The following CDIN1 variants were observed in gnomAD, a reference collection of about 807,000 sequenced individuals.
CDIN1 encodes CDAN1 interacting nuclease 1.
In CDIN1, 33 loss-of-function variants were observed where a neutral mutation model predicts 45.3. The ratio of observed to expected loss-of-function variants is 0.73; its 90% CI spans 0.55 to 0.97. The LOEUF is 0.97. Ranked by LOEUF, CDIN1 falls within the 50% of genes least tolerant of loss-of-function variation. The pLI is 0.00. For synonymous variants in CDIN1, 118 were observed against 124.4 expected (o/e 0.95, Z 0.34); for missense variants, 303 against 339.4 (o/e 0.89, Z 0.84).
intron 1 of CDIN1, among the ~76,000 whole-genome samples, chr15:36,607,196 G>T (rs1279259554): frequency 6.6e-6 from 1 of 152,154 alleles, no homozygotes; most frequent in Non-Finnish European, 1.5e-5. Context: ...CCTCTCCATT[G>T]TTTCCAGTCT....
chr15:36,808,425 T>C lies in CDIN1; in HGVS notation c.818T>C (p.Ile273Thr), dbSNP rs778306019. The C allele has an allele frequency of 6.4e-5, 104 of 1,613,378 alleles. No individual in the cohort carries two copies. The highest frequency in any genetic ancestry group is 1.2e-4 in the Admixed American group (7 of 59,920). The stretch of plus-strand genomic sequence containing the variant: ...CTCAAAGCCTGTTTCCCCACGAACA[T>C]TGTCACCTTATGCCACAGCATAGCT... ...ILLKACFPTN[I>T]VTLCHSIA The change falls in exon 11 of 11, where the codon ATT (isoleucine) becomes ACT (threonine). Residue 273 changes from isoleucine to threonine, a missense_variant. By Grantham distance (89) the Ile-to-Thr change is moderately conservative (BLOSUM62 -1). Coordinates refer to ENST00000566621, the MANE Select transcript of CDIN1 (RefSeq NM_001321759.2).
At chr15:36,779,915 G>A (rs1458919928) in intron 10 of CDIN1, among the ~76,000 whole-genome samples, 1 of 152,172 alleles carries the variant, frequency 6.6e-6, no homozygotes, top group Admixed American at 6.5e-5. Context: ...TCTGAGTGGG[G>A]TGTGGTAGCC....
chr15:36,785,199 T>C (rs549626666), intron 10 of CDIN1, among the ~76,000 whole-genome samples: 1 of 152,308 alleles, frequency 6.6e-6, no homozygotes, highest in East Asian at 1.9e-4. Context: ...GAAATATCTA[T>C]AAGTCAATCA....
chr15:36,686,412 G>T (rs2042047556), intron 5 of CDIN1, among the ~76,000 whole-genome samples: 1 of 122,408 alleles, frequency 8.2e-6, no homozygotes, highest in Admixed American at 9.4e-5. Context: ...GACTGTTGTG[G>T]GGTGGGGGGC....
At chr15:36,707,764 G>T (rs1420775233) in intron 8 of CDIN1, 1 of 152,166 alleles carries the variant, frequency 6.6e-6, no homozygotes, top group Non-Finnish European at 1.5e-5. Context: ...TAAGGCACTG[G>T]AGTTGATTTT....
chr15:36,635,915 A>G (rs559043432), intron 1 of CDIN1, among the ~76,000 whole-genome samples: 2 of 152,300 alleles, frequency 1.3e-5, no homozygotes, highest in East Asian at 1.9e-4. Flanking sequence ...GGAATGTAAC[A>G]TACAATAACA....
At chr15:36,646,103 CTG>C (rs2040316894) in intron 3 of CDIN1, among the ~76,000 whole-genome samples, 1 of 152,102 alleles carries the variant, frequency 6.6e-6, no homozygotes. Context: ...GCAATGAAAA[CTG>C]TTTGAAATCT....
chr15:36,735,230 T>C (rs560694600), intron 10 of CDIN1, among the ~76,000 whole-genome samples: 2 of 152,330 alleles, frequency 1.3e-5, no homozygotes, highest in East Asian at 1.9e-4. Flanking sequence ...TGTTATTCTT[T>C]CAATATGATG....
At chr15:36,691,592 A>C (rs758277099) in intron 5 of CDIN1, 93 bp from the exon 6 acceptor site, 16 of 721,280 alleles carry the variant, frequency 2.2e-5, no homozygotes, top group Non-Finnish European at 3.3e-5. Flanking sequence ...TTTTGTTTTC[A>C]TGGTTTGTGT....
At chr15:36,610,078 C>T (rs908758198) in intron 1 of CDIN1, among the ~76,000 whole-genome samples, 2 of 152,172 alleles carry the variant, frequency 1.3e-5, no homozygotes, top group African/African-American at 4.8e-5. Flanking sequence ...CAAAGACTGG[C>T]TATCTTGCTA....
intron 1 of CDIN1, among the ~76,000 whole-genome samples, chr15:36,633,503 C>CT (rs556510324): frequency 1.8e-3 from 276 of 151,992 alleles, no homozygotes; most frequent in African/African-American, 5.9e-3. Context: ...CTATAATGTG[C>CT]TTTTTTTGGG....
chr15:36,696,953 A>AT (rs2042450682), intron 7 of CDIN1, among the ~76,000 whole-genome samples: 1 of 149,872 alleles, frequency 6.7e-6, no homozygotes, highest in Non-Finnish European at 1.5e-5. Flanking sequence ...TTCTAAAAAA[A>AT]AAAAAAAAAA....
intron 8 of CDIN1, 162 bp from the exon 9 acceptor site, chr15:36,709,061 G>A (rs895993349): frequency 4.2e-6 from 2 of 472,354 alleles, no homozygotes; most frequent in Non-Finnish European, 7.3e-6. Flanking sequence ...CTTCAGTGTT[G>A]TTCAGAAAGT....
At chr15:36,653,811 A>C (rs1275230383) in intron 3 of CDIN1, among the ~76,000 whole-genome samples, 1 of 152,200 alleles carries the variant, frequency 6.6e-6, no homozygotes, top group Non-Finnish European at 1.5e-5. Context: ...TGATATGGAT[A>C]GTTCCTCTTG....
intron 5 of CDIN1, among the ~76,000 whole-genome samples, chr15:36,675,259 T>C (rs1483664572): frequency 6.6e-6 from 1 of 152,154 alleles, no homozygotes; most frequent in African/African-American, 2.4e-5. Context: ...ACTTAATTGC[T>C]GCACTGTGGG....
chr15:36,604,611 ATATAGT>A (rs1261490932), intron 1 of CDIN1, among the ~76,000 whole-genome samples: 10 of 152,172 alleles, frequency 6.6e-5, no homozygotes. Flanking sequence ...GTATTTACAC[ATATAGT>A]TAGTACACTC....
intron 8 of CDIN1, chr15:36,707,118 A>G (rs770021617): frequency 2.6e-5 from 4 of 152,136 alleles, no homozygotes; most frequent in Non-Finnish European, 4.4e-5. Context: ...AGAGTTTAGT[A>G]AATAGATTAA....
At chr15:36,795,290 A>G (rs2054766021) in intron 10 of CDIN1, among the ~76,000 whole-genome samples, 1 of 152,154 alleles carries the variant, frequency 6.6e-6, no homozygotes, top group South Asian at 2.1e-4. Context: ...AGAAGAGAAA[A>G]CCTAAAGTGT....
chr15:36,714,001 T>G (rs915737546), intron 10 of CDIN1, among the ~76,000 whole-genome samples: 2 of 152,224 alleles, frequency 1.3e-5, no homozygotes, highest in Non-Finnish European at 2.9e-5. Flanking sequence ...TAGTAGATAT[T>G]TATTGATTGT....
Sources: gnomAD v4.1 joint callset for allele counts (sites outside exome capture counted in the v4.1 genomes callset) on GRCh38, gnomAD v4.1.1 for gene constraint, MANE v1.5 for transcripts, NCBI Gene and HGNC (gene_info 2026-07-23, HGNC 2026-07-21) for gene names.